Variants in WDR7 observed in about 807,000 individuals in gnomAD.
The protein encoded by WDR7 is WD repeat domain 7.
In WDR7, 46 loss-of-function variants were observed where a neutral mutation model predicts 169.4. The observed-to-expected ratio is 0.27, with a 90% CI of 0.21 to 0.35. The LOEUF is 0.35. Among genes scored for constraint, WDR7 ranks in the 10% least tolerant of loss-of-function variants. The probability of loss-of-function intolerance (pLI) is 1.00; values close to 1 mark genes in which losing one functional copy is unlikely to be tolerated. For missense variants in WDR7, 1,534 were observed against 1,859.3 expected, an observed-to-expected ratio of 0.83 and a Z score of 3.22; for synonymous variants, 612 against 666.8, an observed-to-expected ratio of 0.92 and a Z score of 1.27.
chr18:56,673,201 G>A (rs764948878), intron 2 of WDR7, among the ~76,000 whole-genome samples: 7 of 149,854 alleles, frequency 4.7e-5, no homozygotes, highest in East Asian at 1.9e-4. Flanking sequence ...ACACTGATAC[G>A]TCTAATTCCA....
chr18:56,718,377 T>C (rs989048837), intron 13 of WDR7, among the ~76,000 whole-genome samples: 11 of 152,170 alleles, frequency 7.2e-5, no homozygotes, highest in African/African-American at 2.7e-4. Flanking sequence ...GAGGATAATA[T>C]ACAGATGAGG....
intron 1 of WDR7, among the ~76,000 whole-genome samples, chr18:56,657,500 A>G (rs1043001511): frequency 6.6e-6 from 1 of 152,152 alleles, no homozygotes; most frequent in Non-Finnish European, 1.5e-5. Flanking sequence ...ATTTTTGTCC[A>G]TTTAATTCAT....
At chr18:56,854,162 G>A (rs549619878) in intron 20 of WDR7, among the ~76,000 whole-genome samples, 6 of 152,274 alleles carry the variant, frequency 3.9e-5, no homozygotes, top group African/African-American at 1.2e-4. Context: ...AATCAGTTCC[G>A]CAGTGGCCAG....
chr18:57,032,080 C>A (rs1252938668), downstream of WDR7: 1 of 152,192 alleles, frequency 6.6e-6, no homozygotes, highest in Non-Finnish European at 1.5e-5. Flanking sequence ...TGTTACCACC[C>A]CGCTTCTCAC....
intron 26 of WDR7, among the ~76,000 whole-genome samples, chr18:56,970,421 A>G (rs1395930334): frequency 6.6e-6 from 1 of 152,108 alleles, no homozygotes; most frequent in African/African-American, 2.4e-5. Context: ...CTGTTCTTCA[A>G]TATTTAAAAA....
At chr18:56,724,856 A>G (rs2026407350) in intron 13 of WDR7, among the ~76,000 whole-genome samples, 1 of 151,742 alleles carries the variant, frequency 6.6e-6, no homozygotes, top group African/African-American at 2.4e-5. Context: ...TCCTGTGTCC[A>G]GGTGTTCTCA....
chr18:56,868,694 T>C (rs2045913793), intron 20 of WDR7, among the ~76,000 whole-genome samples: 1 of 152,144 alleles, frequency 6.6e-6, no homozygotes, highest in African/African-American at 2.4e-5. Context: ...TTTGTATAAT[T>C]TTACAAGTCA....
intron 19 of WDR7, among the ~76,000 whole-genome samples, chr18:56,815,349 C>T (rs1172185199): frequency 6.6e-6 from 1 of 152,068 alleles, no homozygotes; most frequent in East Asian, 1.9e-4. Context: ...TGCAAGATGA[C>T]AACAAATATG....
chr18:56,738,725 A>T (rs1358976431), intron 14 of WDR7, among the ~76,000 whole-genome samples: 1 of 150,534 alleles, frequency 6.6e-6, no homozygotes, highest in African/African-American at 2.4e-5. Flanking sequence ...TTTCGCCTCC[A>T]TGATTTGGCA....
intron 12 of WDR7, among the ~76,000 whole-genome samples, chr18:56,700,601 G>T (rs370512835): frequency 5.5e-5 from 6 of 109,104 alleles, no homozygotes; most frequent in African/African-American, 2.3e-4. Context: ...ACGGAGTCTC[G>T]CTCTGTCGCC....
At chr18:56,814,172 G>A (rs2044924709) in intron 19 of WDR7, among the ~76,000 whole-genome samples, 1 of 152,134 alleles carries the variant, frequency 6.6e-6, no homozygotes, top group Non-Finnish European at 1.5e-5. Flanking sequence ...GATTAAATGA[G>A]ATAAATGTAA....
chr18:56,965,545 A>G (rs1267639168), intron 26 of WDR7, among the ~76,000 whole-genome samples: 1 of 151,262 alleles, frequency 6.6e-6, no homozygotes, highest in African/African-American at 2.4e-5. Flanking sequence ...AATTGTCCTT[A>G]TATCAAGGGG....
chr18:56,930,067 A>G (rs1467757057), intron 22 of WDR7, among the ~76,000 whole-genome samples: 2 of 152,146 alleles, frequency 1.3e-5, no homozygotes, highest in African/African-American at 4.8e-5. Context: ...CAGCTGCTGA[A>G]GGGGCCGGGC....
chr18:56,845,494 C>T (rs34894651), intron 20 of WDR7, among the ~76,000 whole-genome samples: 3,753 of 151,912 alleles, frequency 0.025, 54 homozygotes, highest in Non-Finnish European at 0.038. Context: ...ATGTAGTTTA[C>T]GGGGAGTAGA....
intron 26 of WDR7, among the ~76,000 whole-genome samples, chr18:56,999,618 G>C (rs1405178057): frequency 6.6e-6 from 1 of 152,132 alleles, no homozygotes; most frequent in East Asian, 1.9e-4. Context: ...ATCAAGGAAA[G>C]ATGTTCTTTG....
At chr18:56,904,465 A>C (rs561890574) in intron 21 of WDR7, among the ~76,000 whole-genome samples, 1 of 152,286 alleles carries the variant, frequency 6.6e-6, no homozygotes, top group South Asian at 2.1e-4. Flanking sequence ...AATTACCTCT[A>C]AACTTGCTAA....
At chr18:56,728,228 T>C (rs2430903) in intron 13 of WDR7, among the ~76,000 whole-genome samples, 14,653 of 152,274 alleles carry the variant, frequency 0.096, 859 homozygotes, top group Non-Finnish European at 0.13. Flanking sequence ...TGCAAAGTTA[T>C]GTTTTTTCTT....
At chr18:56,994,476 C>T (rs1005954761) in intron 26 of WDR7, among the ~76,000 whole-genome samples, 2 of 152,086 alleles carry the variant, frequency 1.3e-5, no homozygotes, top group Non-Finnish European at 2.9e-5. Flanking sequence ...AAATTTTTAC[C>T]ATTAAATGTG....
intron 22 of WDR7, among the ~76,000 whole-genome samples, chr18:56,932,853 T>C (rs2046905738): frequency 6.6e-6 from 1 of 150,610 alleles, no homozygotes; most frequent in Non-Finnish European, 1.5e-5. Flanking sequence ...AGTGCACACA[T>C]GATTGTATCT....
Sources: gnomAD v4.1 joint callset for allele counts (sites outside exome capture counted in the v4.1 genomes callset) on GRCh38, gnomAD v4.1.1 for gene constraint, MANE v1.5 for transcripts, NCBI Gene and HGNC (gene_info 2026-07-23, HGNC 2026-07-21) for gene names.